Variants in FAM161A observed in about 807,000 individuals in gnomAD.
The protein encoded by FAM161A is protein FAM161A.
A neutral mutation model predicts 70.9 loss-of-function variants in FAM161A; 57 were observed. The observed-to-expected ratio is 0.80, with a 90% CI of 0.65 to 1.00. FAM161A has a LOEUF of 1.00. Ranked by LOEUF, FAM161A falls within the 50% of genes least tolerant of loss-of-function variation. The probability of loss-of-function intolerance (pLI) is 0.00; values close to 1 mark genes in which losing one functional copy is unlikely to be tolerated. For missense variants in FAM161A, 880 were observed against 836.0 expected, an observed-to-expected ratio of 1.05 and a Z score of -0.65; for synonymous variants, 299 against 295.7, an observed-to-expected ratio of 1.01 and a Z score of -0.12.
the FAM161A span, among the ~76,000 whole-genome samples, chr2:61,818,064 C>CTT: frequency 3.0e-4 from 42 of 139,778 alleles, no homozygotes; most frequent in African/African-American, 5.6e-4. Flanking sequence ...CATTCAGATC[C>CTT]TTTTTTTTTT....
chr2:61,824,026 T>G (rs969781952), downstream of FAM161A, among the ~76,000 whole-genome samples: 3 of 151,692 alleles, frequency 2.0e-5, no homozygotes, highest in African/African-American at 7.3e-5. Context: ...TTGATGTCTT[T>G]TTTTTCTTTT....
intron 5 of FAM161A, 147 bp downstream of exon 5, chr2:61,835,863 C>A: frequency 1.4e-6 from 1 of 696,074 alleles, no homozygotes; most frequent in Non-Finnish European, 2.6e-6. Context: ...TACTCATTGG[C>A]TGATATGATG....
rs920822935 is a variant in FAM161A, at chr2:61,842,234, C to G, written c.310G>C (p.Ala104Pro). The change falls in exon 2 of 7, where the codon GCT (alanine) becomes CCT (proline). Residue 104 changes from alanine to proline, a missense_variant. Ala to Pro is a conservative substitution (Grantham distance 27). Coordinates refer to ENST00000404929, the MANE Select transcript of FAM161A (RefSeq NM_001201543.2). The part of the protein sequence containing the change: ...EYFKKVEELK[A>P]AHIETMAKLE... ...TTTGCCATAGTTTCTATGTGGGCAG[C>G]CTTCAACTCTTCTACTTTCTTGAAA... The G allele has an allele frequency of 3.1e-6, 5 of 1,613,220 alleles. No homozygotes were observed. Among genetic ancestry groups the G allele is most frequent in the Admixed American group, 3.3e-5 (2 of 59,998 alleles).
In FAM161A at chr2:61,826,548, A is replaced by G; in HGVS notation, c.2058T>C (p.Tyr686=). ...AATCCTGGCTGTTGGTATCAATAAA[A>G]TAATTTTCTTCCCCATTCTCTCTTT... The part of the protein sequence containing the change: ...IEERENGEEN[Y]FIDTNSQDSY... The change falls in exon 7 of 7, where the codon TAT becomes TAC. Residue 686 remains tyrosine, a synonymous_variant. Transcript: ENST00000404929. 6.2e-7 allele frequency: 1 copy of G among 1,601,696 alleles called. No homozygotes were observed. Among genetic ancestry groups the G allele is most frequent in the Non-Finnish European group, 8.5e-7 (1 of 1,171,852 alleles).
At chr2:61,838,892 A>ATTTTTTTTTTT (rs746321568) in intron 3 of FAM161A, among the ~76,000 whole-genome samples, 187 bp from the exon 4 acceptor site, 4 of 130,278 alleles carry the variant, frequency 3.1e-5, no homozygotes, top group African/African-American at 1.1e-4. Context: ...TTATTTATTT[A>ATTTTTTTTTTT]TTTTTTTTGA....
At chr2:61,801,272 C>T in the FAM161A span, among the ~76,000 whole-genome samples, 9 of 151,120 alleles carry the variant, frequency 6.0e-5, no homozygotes, top group African/African-American at 1.5e-4. Flanking sequence ...CTGAGGCGGG[C>T]GGATCATGAG....
At chr2:61,833,859 G>C (rs1388075767) in intron 5 of FAM161A, among the ~76,000 whole-genome samples, 3 of 152,086 alleles carry the variant, frequency 2.0e-5, no homozygotes, top group Non-Finnish European at 4.4e-5. Flanking sequence ...GCGAGACCCA[G>C]TCTCTACAAA....
At chr2:61,847,259 C>G (rs1004026614) in intron 1 of FAM161A, among the ~76,000 whole-genome samples, 3 of 152,176 alleles carry the variant, frequency 2.0e-5, no homozygotes, top group Non-Finnish European at 4.4e-5. Flanking sequence ...ATCCACATGA[C>G]CCACTTGCTC....
intron 1 of FAM161A, among the ~76,000 whole-genome samples, chr2:61,851,208 G>C (rs888757369): frequency 6.6e-6 from 1 of 152,108 alleles, no homozygotes; most frequent in African/African-American, 2.4e-5. Flanking sequence ...TCCCTCACCA[G>C]ACTGAAAATT....
intron 5 of FAM161A, among the ~76,000 whole-genome samples, chr2:61,830,092 G>A (rs999692851): frequency 6.6e-6 from 1 of 152,152 alleles, no homozygotes; most frequent in Admixed American, 6.5e-5. Flanking sequence ...AAATGGAATT[G>A]GTGAGAATGG....
Position 61,840,244 on chromosome 2 carries a change from C to A in FAM161A, c.760G>T (p.Glu254Ter). The change falls in exon 3 of 7, where the codon GAG (glutamate) becomes TAG (stop). Residue 254 changes from glutamate (E) to a stop codon, truncating the protein, a stop_gained. Coordinates refer to ENST00000404929, the MANE Select transcript of FAM161A (RefSeq NM_001201543.2). LOFTEE classifies it high-confidence loss of function. ...MMIREQKKKEESMKSKSDIEM... is the reference protein window; with the variant it reads ...MMIREQKKKE Reference sequence around the variant, plus strand: ...ATATCTGATTTAGATTTCATGGACTCTTCTTTTTTCTTCTGTTCTCTTATC... The same window carrying A: ...ATATCTGATTTAGATTTCATGGACTATTCTTTTTTCTTCTGTTCTCTTATC... 2.5e-6 allele frequency: 4 copies of A among 1,613,942 alleles called. No homozygotes were observed. Among genetic ancestry groups the A allele is most frequent in the Non-Finnish European group, 2.5e-6 (3 of 1,179,984 alleles).
At chr2:61,802,790 C>T in the FAM161A span, among the ~76,000 whole-genome samples, 1 of 152,084 alleles carries the variant, frequency 6.6e-6, no homozygotes, top group Non-Finnish European at 1.5e-5. Flanking sequence ...TACAGTAATT[C>T]GCAAGATGGT....
At chr2:61,849,493 TA>T (rs58615756) in intron 1 of FAM161A, among the ~76,000 whole-genome samples, 1 of 151,384 alleles carries the variant, frequency 6.6e-6, no homozygotes. Context: ...AAAATAAAAA[TA>T]AAAAAATTAG....
the FAM161A span, among the ~76,000 whole-genome samples, chr2:61,816,665 C>A: frequency 6.6e-6 from 1 of 151,928 alleles, no homozygotes; most frequent in African/African-American, 2.4e-5. Flanking sequence ...GCGGGGGGGT[C>A]TTGCTATGTT....
intron 5 of FAM161A, among the ~76,000 whole-genome samples, chr2:61,831,334 G>C (rs554727117): frequency 6.6e-6 from 1 of 150,842 alleles, no homozygotes; most frequent in Non-Finnish European, 1.5e-5. Flanking sequence ...ACAAATATTA[G>C]TATTCCCAGG....
At chr2:61,809,623 TAGGTTGTTTGCAAAGATGGCCTTAG>T in the FAM161A span, among the ~76,000 whole-genome samples, 3 of 152,174 alleles carry the variant, frequency 2.0e-5, no homozygotes, top group South Asian at 6.2e-4. Context: ...GGGAGATGGG[TAGGTTGTTTGCAAAGATGGCCTTAG>T]CATTCTTTCC....
intron 5 of FAM161A, 38 bp from the exon 6 acceptor site, chr2:61,827,296 G>A: frequency 6.2e-7 from 1 of 1,604,818 alleles, no homozygotes. Context: ...GAGAACAGAA[G>A]ACTTTAAATT....
the FAM161A span, among the ~76,000 whole-genome samples, chr2:61,816,718 C>T: frequency 3.3e-5 from 5 of 152,284 alleles, no homozygotes; most frequent in Admixed American, 2.6e-4. Context: ...CTTCCCACTT[C>T]GGCCTCCCAA....
Position 61,842,360 on chromosome 2 carries a change from C to A in FAM161A, c.184G>T (p.Ala62Ser). Residue 62 changes from alanine to serine, a missense_variant and splice_region_variant, in exon 2 of 7, where the codon GCT (alanine) becomes TCT (serine). Coordinates refer to ENST00000404929, the MANE Select transcript of FAM161A (RefSeq NM_001201543.2). ...CCAGAAAAGCTGGTGTTCAAATCAG[C>A]CTGGTGGGGAGAAAACACTTGATAT... ...EKVAQPAGASADLNTSFSGVD... is the reference protein window; with the variant it reads ...EKVAQPAGASSDLNTSFSGVD... 1 of 1,546,342 alleles carries A rather than the reference C, an allele frequency of 6.5e-7. No individual in the cohort carries two copies. Among genetic ancestry groups the A allele is most frequent in the Non-Finnish European group, 8.8e-7 (1 of 1,139,716 alleles).
Sources: allele counts gnomAD v4.1 joint callset (sites outside exome capture counted in the v4.1 genomes callset), GRCh38; gene constraint gnomAD v4.1.1; transcripts MANE v1.5; gene names NCBI Gene and HGNC (gene_info 2026-07-23, HGNC 2026-07-21).